SIRT1: variants seen among roughly 807,000 people sequenced by gnomAD.
SIRT1 encodes the protein NAD-dependent protein deacetylase sirtuin-1.
In SIRT1, 24 loss-of-function variants were observed where a neutral mutation model predicts 67.9. The ratio of observed to expected loss-of-function variants is 0.35; its 90% CI spans 0.26 to 0.50. The LOEUF is 0.50. Ranked by LOEUF, SIRT1 falls within the 20% of genes least tolerant of loss-of-function variation. The pLI is 0.98. For missense variants in SIRT1, 873 were observed against 937.2 expected (o/e 0.93, Z 0.89); for synonymous variants, 378 against 350.7 (o/e 1.08, Z -0.87).
Position 67,898,540 on chromosome 10 carries a change from C to T in SIRT1, c.942+6986C>T, listed in dbSNP as rs116518480. ...CTAGAACAAGCTTATTAAAAATCAA[C>T]GTCAGTAAAAAGAAAATAGATGGTA... On this transcript the variant is annotated intron_variant, in intron 4 of 8. Transcript: ENST00000212015. 8.8e-3 allele frequency among the ~76,000 whole-genome samples: 1,345 copies of T among 152,062 alleles called. 20 individuals carry two copies. The highest frequency in any genetic ancestry group is 0.031 in the African/African-American group (1,293 of 41,432).
intron 4 of SIRT1, among the ~76,000 whole-genome samples, chr10:67,897,584 G>T (rs1451883057): frequency 1.3e-5 from 2 of 151,930 alleles, no homozygotes; most frequent in African/African-American, 4.8e-5. Context: ...GGCTGGTCTC[G>T]AACTCTTGAC....
chr10:67,891,785 A>G (rs560361207), intron 4 of SIRT1, among the ~76,000 whole-genome samples: 10 of 152,274 alleles, frequency 6.6e-5, no homozygotes, highest in African/African-American at 2.4e-4. Context: ...ATATTTTTAA[A>G]ATTTGCACTG....
intron 3 of SIRT1, among the ~76,000 whole-genome samples, chr10:67,890,445 C>G (rs1842551625): frequency 6.6e-6 from 1 of 152,084 alleles, no homozygotes; most frequent in African/African-American, 2.4e-5. Flanking sequence ...GGAATTACTT[C>G]TCTGTAATAG....
intron 8 of SIRT1, among the ~76,000 whole-genome samples, chr10:67,915,380 A>G (rs192670669): frequency 3.3e-5 from 5 of 152,248 alleles, no homozygotes; most frequent in Admixed American, 2.6e-4. Context: ...TAGGGATCCT[A>G]CTCTTTCACT....
intron 4 of SIRT1, among the ~76,000 whole-genome samples, chr10:67,895,536 A>T (rs1842640929): frequency 6.6e-6 from 1 of 152,160 alleles, no homozygotes; most frequent in Non-Finnish European, 1.5e-5. Context: ...GAGTCAGTGT[A>T]CTAGGCAGAA....
At chr10:67,895,605 C>T (rs927392286) in intron 4 of SIRT1, among the ~76,000 whole-genome samples, 1 of 150,470 alleles carries the variant, frequency 6.6e-6, no homozygotes, top group African/African-American at 2.4e-5. Flanking sequence ...AAAATGAAGC[C>T]ATGAAAAGGA....
intron 4 of SIRT1, among the ~76,000 whole-genome samples, chr10:67,896,701 G>A (rs904303266): frequency 1.9e-4 from 27 of 143,636 alleles, no homozygotes; most frequent in African/African-American, 6.8e-4. Flanking sequence ...GGCTGAGTTT[G>A]CCGTGAGCTG....
chr10:67,906,069 A>T, intron 4 of SIRT1: 1 of 1,098,804 alleles, frequency 9.1e-7, no homozygotes, highest in Non-Finnish European at 1.2e-6. Context: ...AATGGAATTT[A>T]ATAAAAACAC....
intron 2 of SIRT1, among the ~76,000 whole-genome samples, chr10:67,887,837 A>G (rs1219473256): frequency 6.6e-6 from 1 of 152,198 alleles, no homozygotes; most frequent in African/African-American, 2.4e-5. Flanking sequence ...GGGCCTCCCA[A>G]AGTGCTGGGA....
intron 4 of SIRT1, among the ~76,000 whole-genome samples, chr10:67,899,410 A>C (rs1308889512): frequency 1.3e-5 from 2 of 151,758 alleles, no homozygotes; most frequent in Admixed American, 1.3e-4. Flanking sequence ...ATATATCTAT[A>C]TATAGTTTGC....
rs1842847991 is a variant in SIRT1 at position 67,908,106 on chromosome 10, G to A, written c.1151G>A (p.Arg384Gln). The A allele has an allele frequency of 1.4e-5, 22 of 1,613,188 alleles. No homozygotes were observed. Among genetic ancestry groups the A allele is most frequent in the Non-Finnish European group, 1.8e-5 (21 of 1,179,642 alleles). ...CKYKVDCEAV[R>Q]GDIFNQVVPR... ...TACAAAGTTGACTGTGAAGCTGTAC[G>A]AGGAGATATTTTTAATCAGGTAATT... The change falls in exon 6 of 9, where the codon CGA (arginine) becomes CAA (glutamine). Residue 384 changes from arginine to glutamine, a missense_variant. Physicochemically the swap from Arg to Gln is conservative, Grantham distance 43. This residue lies in a region of SIRT1 where 251 missense variants were observed against 358.8 expected (regional missense o/e 0.70). Transcript: ENST00000212015.
Position 67,914,707 on chromosome 10 carries a change from T to A in SIRT1, c.1916-1558T>A, listed in dbSNP as rs188791283. ...TTAACCTGGAACAGTCATTTTTTTT[T>A]AAATTTATTTATTTTTTGAGACGGA... On this transcript the variant is annotated intron_variant, in intron 8 of 8. Transcript: ENST00000212015. Among the ~76,000 whole-genome samples, 110 of 152,134 alleles carry A rather than the reference T, an allele frequency of 7.2e-4. 1 individual carries two copies. Among genetic ancestry groups the A allele is most frequent in the African/African-American group, 2.0e-3 (81 of 41,508 alleles).
chr10:67,907,940 T>G, intron 5 of SIRT1, 106 bp from the exon 6 acceptor site: 1 of 938,528 alleles, frequency 1.1e-6, no homozygotes, highest in Non-Finnish European at 1.6e-6. Flanking sequence ...ACAAAAATCC[T>G]TAAACCCTCT....
chr10:67,911,865 C>A (rs560791640), intron 7 of SIRT1, among the ~76,000 whole-genome samples: 1 of 149,698 alleles, frequency 6.7e-6, no homozygotes, highest in African/African-American at 2.5e-5. Context: ...TGCAGTCTCC[C>A]GTGTTCAAGC....
chr10:67,903,737 T>C (rs1842778683), intron 4 of SIRT1, among the ~76,000 whole-genome samples: 1 of 152,190 alleles, frequency 6.6e-6, no homozygotes, highest in Non-Finnish European at 1.5e-5. Context: ...TGGTTGCCTA[T>C]GGCCAATTCC....
At chr10:67,890,858 G>A (rs535141706) in intron 3 of SIRT1, among the ~76,000 whole-genome samples, 2 of 151,224 alleles carry the variant, frequency 1.3e-5, no homozygotes, top group Admixed American at 6.6e-5. Context: ...GTGACACCCC[G>A]TCTCTACTAA....
chr10:67,901,569 T>A (rs188721304), intron 4 of SIRT1, among the ~76,000 whole-genome samples: 25 of 152,342 alleles, frequency 1.6e-4, no homozygotes, highest in Non-Finnish European at 3.1e-4. Flanking sequence ...TTGTTTTCTT[T>A]ACAGCCTTGA....
intron 4 of SIRT1, among the ~76,000 whole-genome samples, chr10:67,905,354 C>G (rs1048521564): frequency 6.6e-6 from 1 of 152,180 alleles, no homozygotes; most frequent in Non-Finnish European, 1.5e-5. Flanking sequence ...TTAAGCTTTT[C>G]CCTTGCTACT....
intron 5 of SIRT1, among the ~76,000 whole-genome samples, chr10:67,907,412 T>A (rs1210519269): frequency 6.6e-6 from 1 of 150,660 alleles, no homozygotes; most frequent in African/African-American, 2.5e-5. Flanking sequence ...CGAGAATCAC[T>A]TGAACCTGGG....
Sources: gnomAD v4.1 joint callset for allele counts (sites outside exome capture counted in the v4.1 genomes callset) on GRCh38, gnomAD v4.1.1 for gene constraint, gnomAD v4.1.1 regional missense constraint, MANE v1.5 for transcripts, NCBI Gene and HGNC (gene_info 2026-07-23, HGNC 2026-07-21) for gene names.